The following NCOA7 variants were observed in gnomAD, a reference collection of about 807,000 sequenced individuals.
NCOA7 encodes the protein 140 kDa estrogen receptor-associated protein.
Under a neutral mutation model 104.3 loss-of-function variants are expected in NCOA7, and 45 were observed. That is an observed-to-expected ratio of 0.43 (90% CI 0.34 to 0.55). The LOEUF (loss-of-function observed/expected upper bound fraction) is 0.55. NCOA7 is among the 20% of genes least tolerant of loss of function. NCOA7 has a pLI of 0.02. For missense variants in NCOA7, 1,041 were observed against 1,119.7 expected (o/e 0.93, Z 1.00); for synonymous variants, 398 against 402.3 (o/e 0.99, Z 0.13).
At position 125,865,115 on chromosome 6, in the gene NCOA7, C is replaced by T. The variant is rs536662336; in HGVS notation, c.272-9774C>T. 5.1e-5 allele frequency among the ~76,000 whole-genome samples: 7 copies of T among 137,984 alleles called. 1 individual carries two copies. The highest frequency in any genetic ancestry group is 3.4e-4 in the Admixed American group (5 of 14,574). The allele number at this position is 137,984 out of a possible 152,430, so 90.5% of individuals were successfully genotyped here. On this transcript the variant is annotated intron_variant, in intron 3 of 15. Transcript: ENST00000392477. ...TATGATCTGCTACAAAAAATGTAGC[C>T]TATTTTACAAACGTAAAAACTGAGA...
At chr6:125,928,367 T>G (rs1460203392) in intron 15 of NCOA7, 120 bp downstream of exon 15, 3 of 911,202 alleles carry the variant, frequency 3.3e-6, no homozygotes, top group Non-Finnish European at 5.1e-6. Context: ...TCCATGTGCT[T>G]AGATGAATTA....
chr6:125,847,253 G>A (rs1023229907), intron 2 of NCOA7, among the ~76,000 whole-genome samples: 3 of 152,024 alleles, frequency 2.0e-5, no homozygotes, highest in Admixed American at 2.0e-4. Context: ...ACTAACTATA[G>A]CTCTAGATCA....
chr6:125,788,655 C>T (rs1774585880), upstream of NCOA7, among the ~76,000 whole-genome samples: 1 of 150,788 alleles, frequency 6.6e-6, no homozygotes, highest in South Asian at 2.1e-4. Context: ...CCTGCCTCAG[C>T]CTCCCAAGTA....
chr6:125,839,472 C>T (rs73773306), intron 2 of NCOA7, among the ~76,000 whole-genome samples: 3,146 of 151,386 alleles, frequency 0.021, 121 homozygotes, highest in African/African-American at 0.071. Flanking sequence ...GAGAAGTGGA[C>T]TGTCGGGTGG....
intron 3 of NCOA7, among the ~76,000 whole-genome samples, chr6:125,874,208 C>T (rs1335694836): frequency 6.6e-6 from 1 of 152,126 alleles, no homozygotes; most frequent in Non-Finnish European, 1.5e-5. Context: ...ACCTGTAATC[C>T]CAGCTACTCG....
At chr6:125,893,257 C>T (rs1784758347) in intron 10 of NCOA7, among the ~76,000 whole-genome samples, 1 of 152,158 alleles carries the variant, frequency 6.6e-6, no homozygotes, top group Non-Finnish European at 1.5e-5. Flanking sequence ...TGGCTCCCTT[C>T]CCCTTCGTGG....
intron 3 of NCOA7, among the ~76,000 whole-genome samples, chr6:125,864,964 A>T (rs1456419383): frequency 7.2e-6 from 1 of 138,122 alleles, no homozygotes; most frequent in Admixed American, 6.9e-5. Flanking sequence ...AGTATTTTGG[A>T]GGGTGGGAAA....
chr6:125,870,719 T>C (rs1782819544), intron 3 of NCOA7, among the ~76,000 whole-genome samples: 1 of 152,176 alleles, frequency 6.6e-6, no homozygotes, highest in Admixed American at 6.5e-5. Context: ...GAGGGGAGTC[T>C]TCTTTCTGTA....
Position 125,886,164 on chromosome 6 carries a change from GA to G in NCOA7, c.884+839del, listed in dbSNP as rs57159294. ...GGAAACTAGCCCTTGGGGCTTATATGAAAAAAAAAAAAAAAAAAGGAAGTTA... is the reference window on the plus strand; with the variant it reads ...GGAAACTAGCCCTTGGGGCTTATATGAAAAAAAAAAAAAAAAAGGAAGTTA... On this transcript the variant is annotated intron_variant, in intron 8 of 15. Transcript: ENST00000392477. 3.9e-3 allele frequency among the ~76,000 whole-genome samples: 455 copies of G among 115,896 alleles called. 2 individuals are homozygous for G. The highest frequency in any genetic ancestry group is 9.2e-3 in the Middle Eastern group (2 of 218). 76.0% of individuals were successfully genotyped at this position (115,896 alleles called of 152,430 possible).
rs1784477316 is a variant in NCOA7 at position 125,889,479 on chromosome 6, T to C, written c.1425T>C (p.Asp475=). Residue 475 remains aspartate (D), a synonymous_variant, in exon 9 of 16, where the codon GAT becomes GAC. Coordinates refer to ENST00000392477, the MANE Select transcript of NCOA7 (RefSeq NM_181782.5). Reference sequence around the variant, plus strand: ...TAGCCTTTTTGGGAACAGAGAATGATGTTGAACTGAAGGGGGCGCTAGATT... The same window carrying C: ...TAGCCTTTTTGGGAACAGAGAATGACGTTGAACTGAAGGGGGCGCTAGATT... ...SALAFLGTEN[D]VELKGALDLE... The C allele has an allele frequency of 1.2e-6, 2 of 1,613,986 alleles. No homozygotes were observed. The highest frequency in any genetic ancestry group is 1.3e-5 in the African/African-American group (1 of 74,932).
Position 125,860,497 on chromosome 6 carries a change from G to A in NCOA7, c.271+5257G>A, listed in dbSNP as rs544128584. ...CGAGTAGATGAGATTACAGGCACAC[G>A]CCACCATACCCACCTAATTTTTGTA... is the stretch of plus-strand genomic sequence containing the variant. On this transcript the variant is annotated intron_variant, in intron 3 of 15. Transcript: ENST00000392477. Among the ~76,000 whole-genome samples the A allele has an allele frequency of 3.9e-5, 6 of 152,126 alleles. 1 individual carries two copies. Among genetic ancestry groups the A allele is most frequent in the East Asian group, 1.9e-4 (1 of 5,152 alleles).
intron 11 of NCOA7, among the ~76,000 whole-genome samples, chr6:125,917,790 G>T (rs1230753715): frequency 6.6e-6 from 1 of 152,160 alleles, no homozygotes; most frequent in Non-Finnish European, 1.5e-5. Flanking sequence ...GAGACAAACG[G>T]TTACTTTCTT....
chr6:125,858,908 A>G (rs977695083), intron 3 of NCOA7, among the ~76,000 whole-genome samples: 2 of 152,166 alleles, frequency 1.3e-5, no homozygotes, highest in Admixed American at 6.5e-5. Context: ...GGAGCATCAG[A>G]CCTCAAGTCA....
At chr6:125,887,580 A>G (rs939111604) in intron 8 of NCOA7, among the ~76,000 whole-genome samples, 3 of 152,200 alleles carry the variant, frequency 2.0e-5, no homozygotes, top group Non-Finnish European at 4.4e-5. Context: ...TTTATTTTCT[A>G]TTGGAAAAAG....
At chr6:125,876,889 TGCCCTAATTCTACA>T (rs1783424398) in intron 4 of NCOA7, among the ~76,000 whole-genome samples, 1 of 152,190 alleles carries the variant, frequency 6.6e-6, no homozygotes, top group South Asian at 2.1e-4. Flanking sequence ...TCGGGGTCTG[TGCCCTAATTCTACA>T]TGTATGTCTT....
At chr6:125,824,960 C>G (rs1311093187) in intron 2 of NCOA7, among the ~76,000 whole-genome samples, 1 of 152,028 alleles carries the variant, frequency 6.6e-6, no homozygotes, top group Non-Finnish European at 1.5e-5. Context: ...CGCTTGAACC[C>G]AGGAGGCGGA....
chr6:125,821,629 A>G (rs1200603052), intron 2 of NCOA7, among the ~76,000 whole-genome samples: 1 of 152,186 alleles, frequency 6.6e-6, no homozygotes, highest in African/African-American at 2.4e-5. Flanking sequence ...TAACTTGACA[A>G]CATCCCATAA....
At chr6:125,911,389 A>G (rs990449369) in intron 10 of NCOA7, among the ~76,000 whole-genome samples, 2 of 152,148 alleles carry the variant, frequency 1.3e-5, no homozygotes, top group Non-Finnish European at 2.9e-5. Context: ...AAGAGGAACT[A>G]TCATTATTAC....
intron 3 of NCOA7, among the ~76,000 whole-genome samples, chr6:125,855,789 T>C (rs1781501423): frequency 1.3e-5 from 2 of 152,092 alleles, no homozygotes; most frequent in South Asian, 4.2e-4. Flanking sequence ...GTTCAAGCAA[T>C]TCTCCTGCCC....
Sources: gnomAD v4.1 joint callset for allele counts (sites outside exome capture counted in the v4.1 genomes callset) on GRCh38, gnomAD v4.1.1 for gene constraint, MANE v1.5 for transcripts, NCBI Gene and HGNC (gene_info 2026-07-23, HGNC 2026-07-21) for gene names.